The following SLC45A4 variants were observed in gnomAD, a reference collection of about 807,000 sequenced individuals.
SLC45A4 encodes the protein polyamine-transporter SLC45A4.
SLC45A4 carries 32 observed loss-of-function variants against 63.7 expected under a neutral mutation model. The ratio of observed to expected loss-of-function variants is 0.50; its 90% CI spans 0.38 to 0.67. The LOEUF (loss-of-function observed/expected upper bound fraction) is 0.67, where lower values mean the gene tolerates loss of function less well. SLC45A4 is among the 30% of genes least tolerant of loss of function. The pLI, the probability that SLC45A4 is intolerant of heterozygous loss-of-function variation, is 0.00. For synonymous variants in SLC45A4, 535 were observed against 510.0 expected, an observed-to-expected ratio of 1.05 and a Z score of -0.66; for missense variants, 1,027 against 1,157.7, an observed-to-expected ratio of 0.89 and a Z score of 1.64.
intron 1 of SLC45A4, among the ~76,000 whole-genome samples, chr8:141,300,360 G>A (rs1474171302): frequency 2.0e-5 from 3 of 152,154 alleles, no homozygotes; most frequent in Non-Finnish European, 2.9e-5. Context: ...GGGAAGTGGT[G>A]GTTTTTTGGT....
At chr8:141,297,316 T>C (rs1830592314) in intron 1 of SLC45A4, among the ~76,000 whole-genome samples, 1 of 151,896 alleles carries the variant, frequency 6.6e-6, no homozygotes, top group African/African-American at 2.4e-5. Context: ...AAGTGGATGC[T>C]GGCGGGGGAG....
intron 2 of SLC45A4, among the ~76,000 whole-genome samples, chr8:141,247,703 C>T (rs530062176): frequency 6.6e-5 from 10 of 152,294 alleles, no homozygotes; most frequent in East Asian, 1.9e-4. Context: ...TGAGTCACTA[C>T]GCCTGGCCCA....
intron 1 of SLC45A4, among the ~76,000 whole-genome samples, chr8:141,266,617 A>G (rs1233804595): frequency 6.6e-6 from 1 of 152,232 alleles, no homozygotes; most frequent in Admixed American, 6.5e-5. Context: ...TGTCAAGGGA[A>G]GAAGACGACA....
Position 141,218,417 on chromosome 8 carries a change from G to T in SLC45A4, c.1223C>A (p.Thr408Lys). The T allele has an allele frequency of 6.2e-7, 1 of 1,611,118 alleles. No homozygotes were observed. The highest frequency in any genetic ancestry group is 1.1e-5 in the South Asian group (1 of 91,090). Residue 408 changes from threonine to lysine, a missense_variant, in exon 5 of 9, where the codon ACG becomes AAG. Physicochemically the swap from Thr to Lys is moderately conservative, Grantham distance 78. Transcript: ENST00000517878. ...CCGCCGCCGCCGCATGGAGCTCGAC[G>T]TGGCCGAGGGCTTCGTGTCCACCCT... ...YTRVDTKPSA[T>K]SSSMRRRRHA... is the part of the protein sequence containing the mutation.
chr8:141,248,105 G>A (rs756629715), intron 2 of SLC45A4, among the ~76,000 whole-genome samples: 20 of 152,254 alleles, frequency 1.3e-4, no homozygotes, highest in South Asian at 4.1e-4. Context: ...AGTGAGCCAC[G>A]ATCACAGTAC....
intron 2 of SLC45A4, among the ~76,000 whole-genome samples, chr8:141,238,597 TCA>T (rs758837562): frequency 3.9e-5 from 6 of 152,074 alleles, no homozygotes; most frequent in Non-Finnish European, 7.4e-5. Flanking sequence ...CTGTGGCCAT[TCA>T]CAGTCTTCCC....
At chr8:141,262,954 G>C (rs2154614813) in intron 1 of SLC45A4, among the ~76,000 whole-genome samples, 1 of 151,562 alleles carries the variant, frequency 6.6e-6, no homozygotes, top group Middle Eastern at 3.4e-3. Context: ...GCAAAGACTT[G>C]GAACCAACCT....
chr8:141,284,460 C>T (rs1199574301), intron 1 of SLC45A4, among the ~76,000 whole-genome samples: 3 of 152,198 alleles, frequency 2.0e-5, no homozygotes, highest in East Asian at 3.9e-4. Context: ...CTGGCGAGGA[C>T]GTCTGGTGTC....
At chr8:141,230,957 G>A (rs1049321179) in intron 2 of SLC45A4, among the ~76,000 whole-genome samples, 3 of 152,206 alleles carry the variant, frequency 2.0e-5, no homozygotes, top group African/African-American at 4.8e-5. Context: ...CTCCGGGGAC[G>A]CTGTGCTGGC....
At chr8:141,288,590 A>C (rs1027952371) in intron 1 of SLC45A4, among the ~76,000 whole-genome samples, 1 of 152,232 alleles carries the variant, frequency 6.6e-6, no homozygotes, top group Non-Finnish European at 1.5e-5. Flanking sequence ...CTACAGGCCT[A>C]CTTCACACAG....
chr8:141,266,425 G>A (rs778541459), intron 1 of SLC45A4, among the ~76,000 whole-genome samples: 15 of 152,042 alleles, frequency 9.9e-5, no homozygotes, highest in Non-Finnish European at 2.1e-4. Flanking sequence ...CATCAGCCTC[G>A]GACGGCCCCG....
chr8:141,272,897 C>T (rs1359619218), intron 1 of SLC45A4, among the ~76,000 whole-genome samples: 1 of 152,164 alleles, frequency 6.6e-6, no homozygotes, highest in Non-Finnish European at 1.5e-5. Context: ...AATACTGCAT[C>T]GAATCAAAGC....
At chr8:141,249,407 G>C (rs1828363494) in intron 2 of SLC45A4, among the ~76,000 whole-genome samples, 3 of 152,226 alleles carry the variant, frequency 2.0e-5, no homozygotes, top group Non-Finnish European at 4.4e-5. Flanking sequence ...AGCAAAGAAA[G>C]TACTGATTCA....
intron 2 of SLC45A4, among the ~76,000 whole-genome samples, chr8:141,240,538 A>G (rs1318170750): frequency 1.3e-5 from 2 of 152,160 alleles, no homozygotes; most frequent in African/African-American, 2.4e-5. Flanking sequence ...GCTCCCAAAG[A>G]GTTCCAGAGC....
intron 4 of SLC45A4, 92 bp downstream of exon 4, chr8:141,219,558 G>A: frequency 7.1e-7 from 1 of 1,414,484 alleles, no homozygotes; most frequent in Non-Finnish European, 9.5e-7. Context: ...GCCTGATGAG[G>A]CAGCGCTGAC....
intron 1 of SLC45A4, among the ~76,000 whole-genome samples, chr8:141,263,534 G>A (rs1361874883): frequency 4.0e-5 from 6 of 151,746 alleles, no homozygotes; most frequent in South Asian, 4.2e-4. Context: ...TTGGGAGGCC[G>A]AGGCGGGTAG....
At chr8:141,288,766 G>A (rs531178134) in intron 1 of SLC45A4, among the ~76,000 whole-genome samples, 35 of 152,348 alleles carry the variant, frequency 2.3e-4, no homozygotes, top group African/African-American at 5.5e-4. Context: ...GGAGGGTGCC[G>A]GCCCTGGCTA....
Position 141,218,217 on chromosome 8 carries a change from C to T in SLC45A4, c.1423G>A (p.Gly475Arg), listed in dbSNP as rs1256701052. The change falls in exon 5 of 9, where the codon GGG becomes AGG. Residue 475 changes from glycine to arginine, a missense_variant. Gly to Arg is a moderately radical substitution (Grantham distance 125). Transcript: ENST00000517878. ...QRQHRHRNQS[G>R]ATTSSGDTES... Reference sequence around the variant, plus strand: ...GTGTCCCCGCTGGAGGTGGTGGCCCCGCTCTGGTTCCGGTGCCGGTGCTGC... The same window carrying T: ...GTGTCCCCGCTGGAGGTGGTGGCCCTGCTCTGGTTCCGGTGCCGGTGCTGC... The T allele has an allele frequency of 8.1e-6, 13 of 1,602,474 alleles. No homozygotes were observed. The highest frequency in any genetic ancestry group is 2.2e-5 in the East Asian group (1 of 44,866).
chr8:141,307,444 A>G (rs964998692), intron 1 of SLC45A4, among the ~76,000 whole-genome samples: 3 of 152,066 alleles, frequency 2.0e-5, no homozygotes, highest in Non-Finnish European at 4.4e-5. Flanking sequence ...CTGGCGGTGC[A>G]GGCTGGGGGT....
Sources: gnomAD v4.1 joint callset for allele counts (sites outside exome capture counted in the v4.1 genomes callset) on GRCh38, gnomAD v4.1.1 for gene constraint, MANE v1.5 for transcripts, NCBI Gene and HGNC (gene_info 2026-07-23, HGNC 2026-07-21) for gene names.